Variants in SLC28A2 observed in about 807,000 individuals in gnomAD.
SLC28A2 encodes solute carrier family 28 member 2, also known as sodium/nucleoside cotransporter 2.
Under a neutral mutation model 72.9 loss-of-function variants are expected in SLC28A2, and 69 were observed. The ratio of observed to expected loss-of-function variants is 0.95; its 90% CI spans 0.78 to 1.16. The LOEUF is 1.16. Ranked by LOEUF, SLC28A2 falls within the 50% of genes most tolerant of loss-of-function variation. SLC28A2 has a pLI of 0.00. For synonymous variants in SLC28A2, 296 were observed against 294.1 expected (o/e 1.01, Z -0.07); for missense variants, 745 against 791.1 (o/e 0.94, Z 0.70).
In SLC28A2 at chr15:45,270,214, C is replaced by G. The variant is rs1006011382; in HGVS notation, c.1586C>G (p.Thr529Arg). ...CCCTAGGTGAGAGCTGAAATCATTACAACATTTTCACTCTGTGGATTTGCC... is the reference window on the plus strand; with the variant it reads ...CCCTAGGTGAGAGCTGAAATCATTAGAACATTTTCACTCTGTGGATTTGCC... Reference protein sequence around the residue: ...QWISVRAEIITTFSLCGFANL... With the variant: ...QWISVRAEIIRTFSLCGFANL... The change falls in exon 15 of 18, where the codon ACA (threonine) becomes AGA (arginine). Residue 529 changes from threonine (T) to arginine (R), a missense_variant. Transcript: ENST00000347644. 2 of 1,613,308 alleles carry G rather than the reference C, an allele frequency of 1.2e-6. No homozygotes were observed. Among genetic ancestry groups the G allele is most frequent in the African/African-American group, 2.7e-5 (2 of 75,042 alleles).
In SLC28A2 at chr15:45,263,243, T is replaced by C. The variant is rs756179460; in HGVS notation, c.445T>C (p.Trp149Arg). 7 of 1,612,916 alleles carry C rather than the reference T, an allele frequency of 4.3e-6. No individual in the cohort carries two copies. The highest frequency in any genetic ancestry group is 2.7e-5 in the African/African-American group (2 of 74,768). ...ENSRLRLWTK[W>R]VFAGVSLVGL... ...CTCCCGCCTGAGGCTTTGGACGAAA[T>C]GGTAAGATAAGAATCTCAATACCTG... Residue 149 changes from tryptophan to arginine, a missense_variant and splice_region_variant, in exon 5 of 18, where the codon TGG becomes CGG. Transcript: ENST00000347644.
At chr15:45,274,765 G>A (rs1319557892) in intron 17 of SLC28A2, among the ~76,000 whole-genome samples, 2 of 146,406 alleles carry the variant, frequency 1.4e-5, no homozygotes, top group Non-Finnish European at 3.0e-5. Context: ...TTTTTTTTGA[G>A]ACACAGGCTC....
intron 3 of SLC28A2, among the ~76,000 whole-genome samples, chr15:45,261,658 TAAG>T (rs1157757419): frequency 2.0e-5 from 3 of 152,162 alleles, no homozygotes; most frequent in Non-Finnish European, 4.4e-5. Flanking sequence ...AAATTGCCTC[TAAG>T]AAGAACAGGC....
At chr15:45,270,730 T>C (rs772541283) in intron 15 of SLC28A2, among the ~76,000 whole-genome samples, 1 of 152,004 alleles carries the variant, frequency 6.6e-6, no homozygotes, top group Non-Finnish European at 1.5e-5. Context: ...TGGGTTTAAG[T>C]GATTCTCATG....
At chr15:45,271,010 GAATT>G (rs1207177898) in intron 15 of SLC28A2, among the ~76,000 whole-genome samples, 2 of 152,082 alleles carry the variant, frequency 1.3e-5, no homozygotes, top group Non-Finnish European at 2.9e-5. Context: ...GAAACACAAA[GAATT>G]AAAACAAATA....
intron 1 of SLC28A2, 150 bp from the exon 2 acceptor site, chr15:45,253,050 T>A: frequency 1.9e-6 from 1 of 531,960 alleles, no homozygotes; most frequent in Non-Finnish European, 3.4e-6. Flanking sequence ...CATCCAATCT[T>A]CTCAATTCTC....
chr15:45,270,088 C>T, intron 14 of SLC28A2, 107 bp from the exon 15 acceptor site: 2 of 750,804 alleles, frequency 2.7e-6, no homozygotes, highest in Non-Finnish European at 4.7e-6. Context: ...CCTTGGGAAA[C>T]CATGGAAAAG....
Position 45,263,963 on chromosome 15 carries a change from T to C in SLC28A2, c.529T>C (p.Phe177Leu). The C allele has an allele frequency of 1.2e-6, 2 of 1,613,684 alleles. No homozygotes were observed. The highest frequency in any genetic ancestry group is 1.3e-5 in the African/African-American group (1 of 75,058). ...TAQRPEQLIPFAGICMFILIL... is the reference protein window; with the variant it reads ...TAQRPEQLIPLAGICMFILIL... ...CCAAAGGCCAGAGCAGCTGATCCCC[T>C]TTGCAGGAATCTGCATGTTCATCCT... Residue 177 changes from phenylalanine to leucine, a missense_variant, in exon 6 of 18, where the codon TTT (phenylalanine) becomes CTT (leucine). Coordinates refer to ENST00000347644, the MANE Select transcript of SLC28A2 (RefSeq NM_004212.4).
At chr15:45,270,427 T>G (rs1900512987) in intron 15 of SLC28A2, 151 bp downstream of exon 15, 1 of 639,190 alleles carries the variant, frequency 1.6e-6, no homozygotes, top group Admixed American at 2.6e-5. Context: ...AACTTGGACC[T>G]AAGGCAGTCA....
At position 45,268,376 on chromosome 15, in the gene SLC28A2, C is replaced by G. The variant is rs142426040; in HGVS notation, c.1366C>G (p.Gln456Glu). 3.7e-5 allele frequency: 59 copies of G among 1,584,498 alleles called. No homozygotes were observed. The African/African-American group carries it at 7.2e-4, about 19-fold the overall frequency. ...GGTGGACATACAGGGGCTCACTTTC[C>G]AGGTAAAGGATTACATTTGTTGGGC... ...ELVDIQGLTF[Q>E]VICSYLLRPM... Residue 456 changes from glutamine to glutamate, a missense_variant and splice_region_variant, in exon 13 of 18, where the codon CAG (glutamine) becomes GAG (glutamate). Transcript: ENST00000347644.
chr15:45,257,086 C>T lies in SLC28A2; in HGVS notation c.170+3566C>T, dbSNP rs1489711072. On this transcript the variant is annotated intron_variant, in intron 3 of 17. Coordinates refer to ENST00000347644, the MANE Select transcript of SLC28A2 (RefSeq NM_004212.4). ...TATCAACTGTTCCTTATATGTAATC[C>T]CCAGTTTCCTGCCTCCATGTCATGC... Among the ~76,000 whole-genome samples the T allele has an allele frequency of 2.0e-5, 3 of 152,194 alleles. No homozygotes were observed. The East Asian group carries it at 5.8e-4, about 29-fold the overall frequency.
chr15:45,272,364 G>A lies in SLC28A2; in HGVS notation c.1718G>A (p.Cys573Tyr). 1 of 1,614,018 alleles carries A rather than the reference G, an allele frequency of 6.2e-7. No homozygotes were observed. Among genetic ancestry groups the A allele is most frequent in the Non-Finnish European group, 8.5e-7 (1 of 1,179,994 alleles). Residue 573 changes from cysteine to tyrosine, a missense_variant, in exon 16 of 18, where the codon TGT (cysteine) becomes TAT (tyrosine). Physicochemically the swap from Cys to Tyr is radical, Grantham distance 194. Coordinates refer to ENST00000347644, the MANE Select transcript of SLC28A2 (RefSeq NM_004212.4). ...VVVRALFTGA[C>Y]VSLISACMAG... ...GTCAGGGCCCTCTTCACAGGGGCCT[G>A]TGTATCCCTTATCAGTGCCTGTATG...
chr15:45,275,250 A>T, intron 17 of SLC28A2, 146 bp from the exon 18 acceptor site: 1 of 636,978 alleles, frequency 1.6e-6, no homozygotes, highest in Non-Finnish European at 2.8e-6. Context: ...GAAAAGAAAC[A>T]TAATTGGGTT....
rs1210220357 is a variant in SLC28A2, at chr15:45,263,916, T to C, written c.482T>C (p.Leu161Pro). The change falls in exon 6 of 18, where the codon CTG becomes CCG. Residue 161 changes from leucine (L) to proline (P), a missense_variant. By Grantham distance (98) the Leu-to-Pro change is moderately conservative. Transcript: ENST00000347644. ...FAGVSLVGLILWLALDTAQRP... is the reference protein window; with the variant it reads ...FAGVSLVGLIPWLALDTAQRP... Reference sequence around the variant, plus strand: ...GGAGTCTCCTTGGTTGGCCTTATACTGTGGTTGGCTTTAGACACAGCCCAA... The same window carrying C: ...GGAGTCTCCTTGGTTGGCCTTATACCGTGGTTGGCTTTAGACACAGCCCAA... 1.2e-6 allele frequency: 2 copies of C among 1,613,462 alleles called. No individual in the cohort carries two copies. Among genetic ancestry groups the C allele is most frequent in the Non-Finnish European group, 1.7e-6 (2 of 1,179,694 alleles).
At chr15:45,269,162 TATA>T (rs897519510) in intron 13 of SLC28A2, among the ~76,000 whole-genome samples, 173 bp from the exon 14 acceptor site, 1 of 151,334 alleles carries the variant, frequency 6.6e-6, no homozygotes, top group East Asian at 1.9e-4. Context: ...AGACTTAAAG[TATA>T]ATAATAATAA....
At position 45,272,697 on chromosome 15, in the gene SLC28A2, C is replaced by G; in HGVS notation, c.1772C>G (p.Ala591Gly). The change falls in exon 17 of 18, where the codon GCT becomes GGT. Residue 591 changes from alanine (A) to glycine (G), a missense_variant. Coordinates refer to ENST00000347644, the MANE Select transcript of SLC28A2 (RefSeq NM_004212.4). ...MAGILYVPRG[A>G]EADCVSFPNT... Reference sequence around the variant, plus strand: ...GGAATCCTCTATGTCCCCAGGGGAGCTGAAGCTGACTGTGTCTCCTTCCCA... The same window carrying G: ...GGAATCCTCTATGTCCCCAGGGGAGGTGAAGCTGACTGTGTCTCCTTCCCA... 6.2e-7 allele frequency: 1 copy of G among 1,608,626 alleles called. No homozygotes were observed. The highest frequency in any genetic ancestry group is 8.5e-7 in the Non-Finnish European group (1 of 1,175,012).
chr15:45,253,736 A>G (rs1260774918), intron 3 of SLC28A2: 1 of 430,304 alleles, frequency 2.3e-6, no homozygotes, highest in Non-Finnish European at 4.2e-6. Flanking sequence ...AATAAAAATA[A>G]TAACAATGGT....
chr15:45,265,877 G>A (rs1051764188), intron 9 of SLC28A2, among the ~76,000 whole-genome samples: 5 of 152,196 alleles, frequency 3.3e-5, no homozygotes, highest in African/African-American at 9.7e-5. Context: ...TTGATACTGA[G>A]TTTTAATGTA....
intron 3 of SLC28A2, among the ~76,000 whole-genome samples, chr15:45,260,483 T>C (rs1221887373): frequency 1.3e-5 from 2 of 152,216 alleles, no homozygotes; most frequent in African/African-American, 4.8e-5. Flanking sequence ...TCAGGTATGC[T>C]GGCCCTTTTA....
Sources: allele counts gnomAD v4.1 joint callset (sites outside exome capture counted in the v4.1 genomes callset), GRCh38; gene constraint gnomAD v4.1.1; transcripts MANE v1.5; gene names NCBI Gene and HGNC (gene_info 2026-07-23, HGNC 2026-07-21).